Variants in EPHB3 observed in about 807,000 individuals in gnomAD.
EPHB3 encodes the protein ephrin type-B receptor 3.
EPHB3 carries 33 observed loss-of-function variants against 100.2 expected under a neutral mutation model. That is an observed-to-expected ratio of 0.33 (90% CI 0.25 to 0.44). EPHB3 has a LOEUF of 0.44. Among genes scored for constraint, EPHB3 ranks in the 20% least tolerant of loss-of-function variants. The pLI is 1.00. For synonymous variants in EPHB3, 526 were observed against 554.7 expected, an observed-to-expected ratio of 0.95 and a Z score of 0.73; for missense variants, 1,045 against 1,378.3, an observed-to-expected ratio of 0.76 and a Z score of 3.83.
At chr3:184,580,901 G>T (rs781311648) in intron 13 of EPHB3, 23 bp downstream of exon 13, 1 of 1,609,178 alleles carries the variant, frequency 6.2e-7, no homozygotes, top group Admixed American at 1.7e-5. Flanking sequence ...ACGCCAGAGT[G>T]GTTGGGTAGG....
rs1412525112 is a variant in EPHB3 at position 184,579,785 on chromosome 3, C to G, written c.2023C>G (p.Gln675Glu). Residue 675 changes from glutamine (Q) to glutamate (E), a missense_variant, in exon 11 of 16, where the codon CAG (glutamine) becomes GAG (glutamate). Physicochemically the swap from Gln to Glu is conservative, Grantham distance 29. Coordinates refer to ENST00000330394, the MANE Select transcript of EPHB3 (RefSeq NM_004443.4). This position sits in a 1 kb window ranked among gnomAD's most constrained non-coding sequence, Gnocchi z 5.2. ...GCTGAAGGTGGGCTACACCGAGAGG[C>G]AGCGGCGGGACTTCCTAAGCGAGGC... ...KTLKVGYTER[Q>E]RRDFLSEASI... 1 of 1,613,762 alleles carries G rather than the reference C, an allele frequency of 6.2e-7. No individual in the cohort carries two copies. Among genetic ancestry groups the G allele is most frequent in the African/African-American group, 1.3e-5 (1 of 74,824 alleles).
rs2108439359 is a variant in EPHB3, at chr3:184,578,534, C to T, written c.1801+68C>T. On this transcript the variant is annotated intron_variant, in intron 9 of 15. Coordinates refer to ENST00000330394, the MANE Select transcript of EPHB3 (RefSeq NM_004443.4). This position sits in a 1 kb window ranked among gnomAD's most constrained non-coding sequence, Gnocchi z 4.7. ...CTGCAGGGCTCTCAGACACCCTTCT[C>T]CCTGCCTGGGACTTCATTCCTTAGA... The T allele has an allele frequency of 6.2e-7, 1 of 1,601,292 alleles. No homozygotes were observed. Among genetic ancestry groups the T allele is most frequent in the East Asian group, 2.2e-5 (1 of 44,676 alleles).
Position 184,580,604 on chromosome 3 carries a change from A to G in EPHB3, c.2375A>G (p.Tyr792Cys). 6.2e-7 allele frequency: 1 copy of G among 1,613,608 alleles called. No homozygotes were observed. The highest frequency in any genetic ancestry group is 8.5e-7 in the Non-Finnish European group (1 of 1,179,614). ...FLEDDPSDPT[Y>C]TSSLGGKIPI... ...GAGGATGACCCCTCCGATCCTACCT[A>G]CACCAGTTCCCTGGTACAGGAAGCC... The change falls in exon 12 of 16, where the codon TAC becomes TGC. Residue 792 changes from tyrosine (Y) to cysteine (C), a missense_variant. By Grantham distance (194) the Tyr-to-Cys change is radical. Transcript: ENST00000330394.
Position 184,576,932 on chromosome 3 carries a change from G to A in EPHB3, c.1103G>A (p.Arg368Gln), listed in dbSNP as rs1714690213. Residue 368 changes from arginine to glutamine, a missense_variant, in exon 5 of 16, where the codon CGG becomes CAG. Arg to Gln is a conservative substitution (Grantham distance 43). This residue lies in a region of EPHB3 where 985 missense variants were observed against 1,331.1 expected (regional missense o/e 0.74). Coordinates refer to ENST00000330394, the MANE Select transcript of EPHB3 (RefSeq NM_004443.4). The part of the protein sequence containing the change: ...EWSEPRDLGG[R>Q]DDLLYNVICK... ...AGTGAGCCCCGGGACCTGGGTGGCCGGGATGACCTCCTGTACAATGTCATC... is the reference window on the plus strand; with the variant it reads ...AGTGAGCCCCGGGACCTGGGTGGCCAGGATGACCTCCTGTACAATGTCATC... The A allele has an allele frequency of 1.2e-6, 2 of 1,602,000 alleles. No homozygotes were observed. Among genetic ancestry groups the A allele is most frequent in the African/African-American group, 1.3e-5 (1 of 74,842 alleles).
chr3:184,580,087 G>A (rs990471206), intron 11 of EPHB3, among the ~76,000 whole-genome samples, 153 bp downstream of exon 11: 1 of 152,210 alleles, frequency 6.6e-6, no homozygotes, highest in African/African-American at 2.4e-5. Flanking sequence ...ATAGCCATAA[G>A]TATGGGAGTT....
chr3:184,566,271 A>G (rs4543001), intron 1 of EPHB3, among the ~76,000 whole-genome samples: 40,449 of 152,192 alleles, frequency 0.27, 5,823 homozygotes, highest in African/African-American at 0.29. Context: ...ATGGATGAGC[A>G]CCGAGGCGTT....
intron 4 of EPHB3, among the ~76,000 whole-genome samples, chr3:184,576,317 C>A (rs940428730): frequency 1.5e-4 from 22 of 151,684 alleles, no homozygotes; most frequent in African/African-American, 5.3e-4. Flanking sequence ...GCCTTCTAGT[C>A]CGTTGCCCCT....
In EPHB3 at chr3:184,562,433, CG is replaced by C. The variant is rs1197438744; in HGVS notation, c.118+82del. 1.8e-6 allele frequency: 2 copies of C among 1,136,350 alleles called. No individual in the cohort carries two copies. Among genetic ancestry groups the C allele is most frequent in the Non-Finnish European group, 2.2e-6 (2 of 926,334 alleles). 70.4% of individuals were successfully genotyped at this position (1,136,350 alleles called of 1,614,324 possible). ...GCGGGCTAGCAGCGTGGGTCCGACC[CG>C]GATTGAGCGCACGTCGGAGGAGGCC... On this transcript the variant is annotated intron_variant, in intron 1 of 15. Coordinates refer to ENST00000330394, the MANE Select transcript of EPHB3 (RefSeq NM_004443.4). The surrounding 1 kb of genome is among the most constrained non-coding windows in gnomAD (Gnocchi z 4.8).
At chr3:184,580,906 G>A in intron 13 of EPHB3, 28 bp downstream of exon 13, 1 of 1,608,478 alleles carries the variant, frequency 6.2e-7, no homozygotes, top group African/African-American at 1.3e-5. Flanking sequence ...AGAGTGGTTG[G>A]GTAGGTGGGT....
chr3:184,567,480 G>GGTGTGTGTGT (rs58429187), intron 1 of EPHB3, among the ~76,000 whole-genome samples: 163 of 148,664 alleles, frequency 1.1e-3, no homozygotes, highest in African/African-American at 3.2e-3. Flanking sequence ...ATGCTTGCAG[G>GGTGTGTGTGT]GTGTGTGTGT....
chr3:184,564,324 A>G (rs1218032538), intron 1 of EPHB3, among the ~76,000 whole-genome samples: 1 of 152,204 alleles, frequency 6.6e-6, no homozygotes, highest in African/African-American at 2.4e-5. Context: ...TCACTTTTGC[A>G]ATACCTCAGA....
rs1331709573 is a variant in EPHB3, at chr3:184,572,735, A to G, written c.415A>G (p.Ser139Gly). 1.2e-6 allele frequency: 2 copies of G among 1,613,014 alleles called. No homozygotes were observed. Among genetic ancestry groups the G allele is most frequent in the Admixed American group, 3.3e-5 (2 of 59,818 alleles). ...CAACCTCTTCTACTACGAGGCTGAC[A>G]GCGATGTGGCCTCAGCCTCCTCCCC... ...TFNLFYYEADSDVASASSPFW... is the reference protein window; with the variant it reads ...TFNLFYYEADGDVASASSPFW... The change falls in exon 3 of 16, where the codon AGC (serine) becomes GGC (glycine). Residue 139 changes from serine (S) to glycine (G), a missense_variant. Physicochemically the swap from Ser to Gly is moderately conservative, Grantham distance 56. Transcript: ENST00000330394. The surrounding 1 kb of genome is among the most constrained non-coding windows in gnomAD (Gnocchi z 6.6).
In EPHB3 at chr3:184,565,839, C is replaced by T. The variant is rs898552750; in HGVS notation, c.118+3486C>T. Reference sequence around the variant, plus strand: ...TTAGCCACAGCTGCTGCTGCTGCCACTGCAGCTTCAGCGGCTGCTGCGAGC... The same window carrying T: ...TTAGCCACAGCTGCTGCTGCTGCCATTGCAGCTTCAGCGGCTGCTGCGAGC... On this transcript the variant is annotated intron_variant, in intron 1 of 15. Transcript: ENST00000330394. This position sits in a 1 kb window ranked among gnomAD's most constrained non-coding sequence, Gnocchi z 4.8. Among the ~76,000 whole-genome samples the T allele has an allele frequency of 6.6e-6, 1 of 152,384 alleles. No individual in the cohort carries two copies. Among genetic ancestry groups the T allele is most frequent in the African/African-American group, 2.4e-5 (1 of 41,592 alleles).
intron 1 of EPHB3, among the ~76,000 whole-genome samples, chr3:184,570,054 TCAGAAA>T (rs760233775): frequency 5.9e-5 from 9 of 152,092 alleles, no homozygotes; most frequent in Non-Finnish European, 1.0e-4. Context: ...CAAGTGTATG[TCAGAAA>T]CATTAACGGG....
At chr3:184,568,040 A>G (rs775271807) in intron 1 of EPHB3, among the ~76,000 whole-genome samples, 1 of 151,918 alleles carries the variant, frequency 6.6e-6, no homozygotes, top group Non-Finnish European at 1.5e-5. Context: ...GTTTTTGTCC[A>G]CCATATGTGT....
chr3:184,568,609 C>T (rs1317660113), intron 1 of EPHB3, among the ~76,000 whole-genome samples: 53 of 151,908 alleles, frequency 3.5e-4, no homozygotes, highest in Non-Finnish European at 5.9e-4. Context: ...CCCCACATCC[C>T]CCTCACCTCC....
chr3:184,579,018 C>T lies in EPHB3; in HGVS notation c.1802-459C>T, dbSNP rs1714752742. Among the ~76,000 whole-genome samples the T allele has an allele frequency of 6.6e-6, 1 of 152,108 alleles. No homozygotes were observed. Among genetic ancestry groups the T allele is most frequent in the African/African-American group, 2.4e-5 (1 of 41,400 alleles). On this transcript the variant is annotated intron_variant, in intron 9 of 15. Transcript: ENST00000330394. The surrounding 1 kb of genome is among the most constrained non-coding windows in gnomAD (Gnocchi z 5.2). ...AGCTGTGGCCAGCCCTCGGAGGGTC[C>T]TGAAAGGCAGGCAGAGGAGTCTGGA...
intron 3 of EPHB3, chr3:184,575,265 T>G: frequency 5.1e-6 from 5 of 980,914 alleles, no homozygotes; most frequent in Non-Finnish European, 6.1e-6. Flanking sequence ...CTGCCTGCTT[T>G]CTTTCTCTCC....
rs1277369316 is a variant in EPHB3 at position 184,573,205 on chromosome 3, T to C, written c.856+29T>C. 1 of 1,605,848 alleles carries C rather than the reference T, an allele frequency of 6.2e-7. No homozygotes were observed. The highest frequency in any genetic ancestry group is 1.1e-5 in the South Asian group (1 of 91,038). On this transcript the variant is annotated intron_variant, in intron 3 of 15. Transcript: ENST00000330394. The surrounding 1 kb of genome is among the most constrained non-coding windows in gnomAD (Gnocchi z 4.5). ...AGTGGGGACTGTCCTGGGGAAAGGGTTGTCGGGAGGGCCTGGGCCACAGCT... is the reference window on the plus strand; with the variant it reads ...AGTGGGGACTGTCCTGGGGAAAGGGCTGTCGGGAGGGCCTGGGCCACAGCT...
Sources: gnomAD v4.1 joint callset for allele counts (sites outside exome capture counted in the v4.1 genomes callset) on GRCh38, gnomAD v4.1.1 for gene constraint, gnomAD v4.1.1 regional missense constraint, Gnocchi (gnomAD v3.1) non-coding constraint, MANE v1.5 for transcripts, NCBI Gene and HGNC (gene_info 2026-07-23, HGNC 2026-07-21) for gene names.